The following ZKSCAN1 variants were observed in gnomAD, a reference collection of about 807,000 sequenced individuals.
ZKSCAN1 encodes zinc finger with KRAB and SCAN domains 1, also known as zinc finger protein with KRAB and SCAN domains 1.
A neutral mutation model predicts 51.6 loss-of-function variants in ZKSCAN1; 14 were observed. That is an observed-to-expected ratio of 0.27 (90% CI 0.18 to 0.42). The LOEUF is 0.42. Among genes scored for constraint, ZKSCAN1 ranks in the 10% least tolerant of loss-of-function variants. ZKSCAN1 has a pLI of 1.00. For synonymous variants in ZKSCAN1, 263 were observed against 261.5 expected (o/e 1.01, Z -0.06); for missense variants, 531 against 710.0 (o/e 0.75, Z 2.86).
intron 3 of ZKSCAN1, among the ~76,000 whole-genome samples, chr7:100,027,854 C>T (rs773523150): frequency 6.6e-6 from 1 of 151,366 alleles, no homozygotes; most frequent in African/African-American, 2.4e-5. Flanking sequence ...ACAGGGCGAC[C>T]TTAGGAAACT....
intron 1 of ZKSCAN1, among the ~76,000 whole-genome samples, chr7:100,022,773 AAAG>A (rs765954602): frequency 5.9e-5 from 9 of 152,186 alleles, no homozygotes; most frequent in Non-Finnish European, 1.3e-4. Flanking sequence ...TGTAGGGACA[AAAG>A]AAGATGGTGC....
In ZKSCAN1 at chr7:100,024,236, A is replaced by T; in HGVS notation, c.509A>T (p.Asp170Val). ...LDPVQESSSF[D>V]LHHEATQSHF... ...CCAGTTCAGGAGTCCTCGAGCTTTG[A>T]CCTTCATCACGAGGCCACCCAGTCC... is the stretch of plus-strand genomic sequence containing the variant. Residue 170 changes from aspartate to valine, a missense_variant, in exon 3 of 6, where the codon GAC becomes GTC. Physicochemically the swap from Asp to Val is radical, Grantham distance 152. This residue lies in a region of ZKSCAN1 where 403 missense variants were observed against 490.5 expected (regional missense o/e 0.82). Coordinates refer to ENST00000324306, the MANE Select transcript of ZKSCAN1 (RefSeq NM_003439.4). The T allele has an allele frequency of 6.2e-7, 1 of 1,613,974 alleles. No homozygotes were observed. The highest frequency in any genetic ancestry group is 8.5e-7 in the Non-Finnish European group (1 of 1,180,014).
chr7:100,029,164 CAAAAAAAAAAA>C (rs56176717), intron 3 of ZKSCAN1, among the ~76,000 whole-genome samples: 1 of 120,290 alleles, frequency 8.3e-6, no homozygotes, highest in East Asian at 2.6e-4. Context: ...AACTCTGTCT[CAAAAAAAAAAA>C]AAAAAAAAAA....
In ZKSCAN1 at chr7:100,041,552, G is replaced by A; in HGVS notation, c.*7355G>A. On this transcript the variant is annotated 3_prime_UTR_variant, in exon 6 of 6. Coordinates refer to ENST00000324306, the MANE Select transcript of ZKSCAN1 (RefSeq NM_003439.4). ...ATACATAGTCAGTGGTCCATTTTAG[G>A]AAGCCAGTGGCGTCTGATAAAGAAA... is the stretch of plus-strand genomic sequence containing the variant. The A allele has an allele frequency of 1.0e-6, 1 of 985,420 alleles. No homozygotes were observed. Among genetic ancestry groups the A allele is most frequent in the Non-Finnish European group, 1.2e-6 (1 of 829,920 alleles). 61.0% of individuals were successfully genotyped at this position (985,420 alleles called of 1,614,324 possible).
chr7:100,033,861 G>A lies in ZKSCAN1; in HGVS notation c.1356G>A (p.Gln452=). Residue 452 remains glutamine (Q), a synonymous_variant, in exon 6 of 6, where the codon CAG becomes CAA. Coordinates refer to ENST00000324306, the MANE Select transcript of ZKSCAN1 (RefSeq NM_003439.4). The surrounding 1 kb of genome is among the most constrained non-coding windows in gnomAD (Gnocchi z 4.1). ...ACAGTTCCAATCTCATCCTCCATCAGCGCATCCACTCTGGAGAGAAACCTT... is the reference window on the plus strand; with the variant it reads ...ACAGTTCCAATCTCATCCTCCATCAACGCATCCACTCTGGAGAGAAACCTT... The part of the protein sequence containing the change: ...FSHSSNLILH[Q]RIHSGEKPYE... 6.2e-7 allele frequency: 1 copy of A among 1,613,964 alleles called. No individual in the cohort carries two copies. The highest frequency in any genetic ancestry group is 1.1e-5 in the South Asian group (1 of 91,076).
intron 3 of ZKSCAN1, among the ~76,000 whole-genome samples, chr7:100,029,150 G>A (rs1229217587): frequency 4.6e-5 from 5 of 107,642 alleles, no homozygotes; most frequent in Non-Finnish European, 8.8e-5. Context: ...GGCAACAAGA[G>A]CAAAACTCTG....
chr7:100,017,677 T>C (rs1268656407), intron 1 of ZKSCAN1, among the ~76,000 whole-genome samples: 1 of 152,220 alleles, frequency 6.6e-6, no homozygotes, highest in Non-Finnish European at 1.5e-5. Context: ...GAGGTAATTT[T>C]ATTTAAAGTG....
In ZKSCAN1 at chr7:100,038,036, C is replaced by CCG. The variant is rs1562833027; in HGVS notation, c.*3839_*3840insCG. On this transcript the variant is annotated 3_prime_UTR_variant, in exon 6 of 6. Coordinates refer to ENST00000324306, the MANE Select transcript of ZKSCAN1 (RefSeq NM_003439.4). ...GGCTCTGTATCAAAAAAAAAAGTTG[C>CCG]GGGGGGGTGCTCAATCTTAACTGCA... 4.1e-6 allele frequency: 4 copies of CCG among 984,158 alleles called. No individual in the cohort carries two copies. The highest frequency in any genetic ancestry group is 4.8e-6 in the Non-Finnish European group (4 of 829,674). 61.0% of individuals were successfully genotyped at this position (984,158 alleles called of 1,614,324 possible).
At chr7:100,022,564 T>C (rs778452466) in intron 1 of ZKSCAN1, among the ~76,000 whole-genome samples, 42 of 152,234 alleles carry the variant, frequency 2.8e-4, no homozygotes, top group Non-Finnish European at 3.2e-4. Context: ...TCTTGTACTT[T>C]GGAAACCACA....
downstream of ZKSCAN1, among the ~76,000 whole-genome samples, chr7:100,043,839 T>A (rs1047376729): frequency 1.2e-4 from 17 of 137,176 alleles, no homozygotes; most frequent in Admixed American, 1.3e-3. Context: ...CTGGAGGGCA[T>A]GATCTCAGCT....
At position 100,033,545 on chromosome 7, in the gene ZKSCAN1, C is replaced by G; in HGVS notation, c.1040C>G (p.Pro347Arg). 1.2e-6 allele frequency: 2 copies of G among 1,614,066 alleles called. No homozygotes were observed. The highest frequency in any genetic ancestry group is 8.5e-7 in the Non-Finnish European group (1 of 1,180,002). ...DKKTITGERGPREKGKGLGRS... is the reference protein window; with the variant it reads ...DKKTITGERGRREKGKGLGRS... ...AAAACCATCACAGGAGAGAGAGGTC[C>G]AAGGGAGAAGGGGAAAGGATTGGGA... is the stretch of plus-strand genomic sequence containing the variant. Residue 347 changes from proline to arginine, a missense_variant, in exon 6 of 6, where the codon CCA becomes CGA. By Grantham distance (103) the Pro-to-Arg change is moderately radical. Coordinates refer to ENST00000324306, the MANE Select transcript of ZKSCAN1 (RefSeq NM_003439.4). This position sits in a 1 kb window ranked among gnomAD's most constrained non-coding sequence, Gnocchi z 4.1.
rs116878104 is a variant in ZKSCAN1, at chr7:100,020,027, G to A, written c.-88-3392G>A. On this transcript the variant is annotated intron_variant, in intron 1 of 5. Transcript: ENST00000324306. The stretch of plus-strand genomic sequence containing the variant: ...CTCTCAGTTCTTTATACAGTGAGAT[G>A]ATAAGTGTAGCTACCTGCTAAGATT... Among the ~76,000 whole-genome samples, 865 of 152,276 alleles carry A rather than the reference G, an allele frequency of 5.7e-3. 3 individuals are homozygous for A. Among genetic ancestry groups the A allele is most frequent in the Non-Finnish European group, 7.8e-3 (530 of 68,024 alleles).
intron 3 of ZKSCAN1, among the ~76,000 whole-genome samples, chr7:100,027,813 A>G (rs1790910168): frequency 6.6e-6 from 1 of 150,968 alleles, no homozygotes; most frequent in Non-Finnish European, 1.5e-5. Context: ...ATGTTCTTGT[A>G]AGGTTTCTCC....
In ZKSCAN1 at chr7:100,026,230, CAAAAAAAAAA is replaced by C. The variant is rs58408632; in HGVS notation, c.580+1939_580+1948del. On this transcript the variant is annotated intron_variant, in intron 3 of 5. Transcript: ENST00000324306. ...TGAGCAACAAGAGTGAAACTCATCT[CAAAAAAAAAA>C]AAAAAAAAAAAAAAAGTACACCTGT... Among the ~76,000 whole-genome samples, 139 of 47,290 alleles carry C rather than the reference CAAAAAAAAAA, an allele frequency of 2.9e-3. 2 individuals are homozygous for C. The highest frequency in any genetic ancestry group is 0.012 in the African/African-American group (131 of 10,752). The allele number at this position is 47,290 out of a possible 152,430, so 31.0% of individuals were successfully genotyped here. A position where few individuals can be genotyped will look rare whatever the true frequency, so the allele number is the denominator to read the frequency against.
In ZKSCAN1 at chr7:100,040,060, A is replaced by C; in HGVS notation, c.*5863A>C. The C allele has an allele frequency of 1.1e-6, 1 of 884,612 alleles. No homozygotes were observed. Among genetic ancestry groups the C allele is most frequent in the Non-Finnish European group, 1.4e-6 (1 of 738,380 alleles). The allele number at this position is 884,612 out of a possible 1,614,324, so 54.8% of individuals were successfully genotyped here. A position where few individuals can be genotyped will look rare whatever the true frequency, so the allele number is the denominator to read the frequency against. ...TATTCAGATTTTTTATTATCTGAAA[A>C]TGAAATTATCTGTTTTACTTTTCAA... On this transcript the variant is annotated 3_prime_UTR_variant, in exon 6 of 6. Transcript: ENST00000324306.
chr7:100,016,144 G>C (rs953177696), intron 1 of ZKSCAN1, among the ~76,000 whole-genome samples: 2 of 152,142 alleles, frequency 1.3e-5, no homozygotes, highest in African/African-American at 2.4e-5. Flanking sequence ...TCCCCCCCCG[G>C]TTCCTTCGGG....
chr7:100,020,647 C>T (rs1404111016), intron 1 of ZKSCAN1, among the ~76,000 whole-genome samples: 2 of 152,236 alleles, frequency 1.3e-5, no homozygotes, highest in South Asian at 2.1e-4. Flanking sequence ...TAGAGCAAGA[C>T]TCCGTTTCAA....
intron 1 of ZKSCAN1, among the ~76,000 whole-genome samples, chr7:100,016,261 A>G (rs1227091972): frequency 6.6e-6 from 1 of 152,070 alleles, no homozygotes; most frequent in Non-Finnish European, 1.5e-5. Flanking sequence ...CTGAGCGGTG[A>G]TTAAAGAGTA....
At chr7:100,020,870 A>G (rs1055698665) in intron 1 of ZKSCAN1, among the ~76,000 whole-genome samples, 4 of 152,172 alleles carry the variant, frequency 2.6e-5, no homozygotes, top group Admixed American at 6.6e-5. Context: ...AAAAGAATAA[A>G]TTCAGAAAGA....
Sources: allele counts gnomAD v4.1 joint callset (sites outside exome capture counted in the v4.1 genomes callset), GRCh38; gene constraint gnomAD v4.1.1; regional missense constraint gnomAD v4.1.1; non-coding constraint Gnocchi (gnomAD v3.1); transcripts MANE v1.5; gene names NCBI Gene and HGNC (gene_info 2026-07-23, HGNC 2026-07-21).